TTLL5: variants seen among roughly 807,000 people sequenced by gnomAD.
The protein encoded by TTLL5 is tubulin tyrosine ligase like 5, also known as tubulin polyglutamylase TTLL5.
Under a neutral mutation model 168.4 loss-of-function variants are expected in TTLL5, and 132 were observed. The ratio of observed to expected loss-of-function variants is 0.78; its 90% CI spans 0.68 to 0.91. The LOEUF is 0.91. Ranked by LOEUF, TTLL5 falls within the 40% of genes least tolerant of loss-of-function variation. The probability of loss-of-function intolerance (pLI) is 0.00; values close to 1 mark genes in which losing one functional copy is unlikely to be tolerated. For missense variants in TTLL5, 1,545 were observed against 1,581.5 expected (o/e 0.98, Z 0.39); for synonymous variants, 546 against 558.6 (o/e 0.98, Z 0.32).
At chr14:75,775,432 T>A (rs954699994) in intron 21 of TTLL5, 52 bp from the exon 22 acceptor site, 12 of 1,594,954 alleles carry the variant, frequency 7.5e-6, no homozygotes, top group Non-Finnish European at 1.0e-5. Flanking sequence ...TGTCTTCTGT[T>A]GCTTAGCACC....
At chr14:75,699,755 C>T (rs1462962825) in intron 7 of TTLL5, among the ~76,000 whole-genome samples, 6 of 152,058 alleles carry the variant, frequency 3.9e-5, no homozygotes, top group South Asian at 2.1e-4. Context: ...TGCCCTTCTT[C>T]GTCTCATTTC....
chr14:75,803,261 A>G (rs969702571), intron 27 of TTLL5: 12 of 152,374 alleles, frequency 7.9e-5, no homozygotes, highest in Admixed American at 7.2e-4. Flanking sequence ...AAGGTAAAGA[A>G]GCAAAGTATT....
intron 9 of TTLL5, chr14:75,712,258 A>C (rs1487736899): frequency 1.3e-5 from 2 of 151,888 alleles, no homozygotes; most frequent in Admixed American, 1.3e-4. Context: ...AGGCTGCCTG[A>C]GGTGCTGTCT....
intron 20 of TTLL5, among the ~76,000 whole-genome samples, chr14:75,768,437 G>A (rs1160408590): frequency 6.6e-6 from 1 of 152,140 alleles, no homozygotes. Context: ...TAAGGGTTTG[G>A]CAATGAAAGG....
chr14:75,766,292 T>C lies in TTLL5; in HGVS notation c.1939T>C (p.Cys647Arg). 1 of 1,614,084 alleles carries C rather than the reference T, an allele frequency of 6.2e-7. No homozygotes were observed. The highest frequency in any genetic ancestry group is 2.2e-5 in the East Asian group (1 of 44,864). ...VREWNNKGGH[C>R]CKLETQELEP... ...TGAATGGAATAATAAAGGTGGACAC[T>C]GCTGCAAACTTGAGACTCAGGAGCT... Residue 647 changes from cysteine to arginine, a missense_variant, in exon 20 of 32, where the codon TGC becomes CGC. Coordinates refer to ENST00000298832, the MANE Select transcript of TTLL5 (RefSeq NM_015072.5).
In TTLL5 at chr14:75,709,079, A is replaced by G. The variant is rs1313622221; in HGVS notation, c.740+1372A>G. 7.5e-6 allele frequency: 5 copies of G among 669,900 alleles called. No homozygotes were observed. The African/African-American group carries it at 8.9e-5, about 12-fold the overall frequency. The allele number at this position is 669,900 out of a possible 1,614,324, so 41.5% of individuals were successfully genotyped here. A position where few individuals can be genotyped will look rare whatever the true frequency, so the allele number is the denominator to read the frequency against. ...GCAGCCTGTGGGCCTCAGGTTGGACAAGCTTGTTATAAAGCATAGCAGTTT... is the reference window on the plus strand; with the variant it reads ...GCAGCCTGTGGGCCTCAGGTTGGACGAGCTTGTTATAAAGCATAGCAGTTT... On this transcript the variant is annotated intron_variant, in intron 9 of 31. Transcript: ENST00000298832.
At chr14:75,794,745 G>T (rs1892908613) in intron 27 of TTLL5, among the ~76,000 whole-genome samples, 1 of 152,226 alleles carries the variant, frequency 6.6e-6, no homozygotes, top group Non-Finnish European at 1.5e-5. Flanking sequence ...AGTACTGAGG[G>T]AGGTGCTGTA....
chr14:75,775,337 C>G (rs1394551827), intron 21 of TTLL5, 147 bp from the exon 22 acceptor site: 2 of 888,514 alleles, frequency 2.3e-6, no homozygotes, highest in Non-Finnish European at 3.4e-6. Context: ...GCTTCTTATA[C>G]CTAACCTTTT....
At chr14:75,699,061 A>T in intron 6 of TTLL5, 127 bp from the exon 7 acceptor site, 1 of 765,730 alleles carries the variant, frequency 1.3e-6, no homozygotes, top group South Asian at 1.6e-5. Flanking sequence ...ACTGCCCAAC[A>T]CTTAGAAATT....
chr14:75,746,297 T>C (rs1442545280), intron 17 of TTLL5, among the ~76,000 whole-genome samples: 1 of 152,220 alleles, frequency 6.6e-6, no homozygotes. Context: ...CAGAATTTGT[T>C]GAATATACCA....
At chr14:75,784,682 C>T (rs148153000) in intron 26 of TTLL5, among the ~76,000 whole-genome samples, 2,052 of 152,272 alleles carry the variant, frequency 0.013, 17 homozygotes, top group South Asian at 0.025. Flanking sequence ...TTTCCAAAGT[C>T]GCTGTGCCCT....
At chr14:75,919,901 A>G (rs2033763881) in intron 31 of TTLL5, among the ~76,000 whole-genome samples, 1 of 152,134 alleles carries the variant, frequency 6.6e-6, no homozygotes, top group Non-Finnish European at 1.5e-5. Flanking sequence ...CAGGCAGATC[A>G]CTTGAGCTCA....
At chr14:75,927,410 T>G (rs1330350418) in intron 31 of TTLL5, among the ~76,000 whole-genome samples, 1 of 152,232 alleles carries the variant, frequency 6.6e-6, no homozygotes, top group Admixed American at 6.5e-5. Flanking sequence ...CTGTATACTT[T>G]AAATGAGTGA....
At chr14:75,724,566 T>C (rs1441074412) in intron 12 of TTLL5, among the ~76,000 whole-genome samples, 2 of 152,206 alleles carry the variant, frequency 1.3e-5, no homozygotes, top group African/African-American at 2.4e-5. Context: ...AGTTCAGATA[T>C]AGAAATTGAA....
At chr14:75,898,230 T>A (rs1454780676) in intron 30 of TTLL5, among the ~76,000 whole-genome samples, 1 of 152,220 alleles carries the variant, frequency 6.6e-6, no homozygotes, top group Non-Finnish European at 1.5e-5. Flanking sequence ...CTGATTCCAA[T>A]TGATTTTACA....
At chr14:75,716,166 A>G (rs1250826312) in intron 9 of TTLL5, among the ~76,000 whole-genome samples, 1 of 152,198 alleles carries the variant, frequency 6.6e-6, no homozygotes, top group Non-Finnish European at 1.5e-5. Context: ...ATTGGGATGC[A>G]TAGGCAAGGG....
At chr14:75,736,008 G>A (rs1360722840) in intron 15 of TTLL5, among the ~76,000 whole-genome samples, 1 of 151,876 alleles carries the variant, frequency 6.6e-6, no homozygotes, top group African/African-American at 2.4e-5. Context: ...TGGTTTGATT[G>A]CTTTGCCTGC....
At chr14:75,875,914 C>T (rs1162379726) in intron 29 of TTLL5, among the ~76,000 whole-genome samples, 5 of 152,152 alleles carry the variant, frequency 3.3e-5, no homozygotes, top group Non-Finnish European at 7.4e-5. Flanking sequence ...TTTGAATGAA[C>T]ATTTATTAAA....
intron 17 of TTLL5, among the ~76,000 whole-genome samples, chr14:75,752,129 C>T (rs961394150): frequency 3.3e-5 from 5 of 152,164 alleles, no homozygotes; most frequent in African/African-American, 4.8e-5. Flanking sequence ...TTCTGTACTG[C>T]GACCTGTTTT....
Sources: gnomAD v4.1 joint callset for allele counts (sites outside exome capture counted in the v4.1 genomes callset) on GRCh38, gnomAD v4.1.1 for gene constraint, MANE v1.5 for transcripts, NCBI Gene and HGNC (gene_info 2026-07-23, HGNC 2026-07-21) for gene names.